Variants in TMTC2 observed in about 807,000 individuals in gnomAD.
TMTC2 encodes the protein protein O-mannosyl-transferase TMTC2.
Under a neutral mutation model 82.4 loss-of-function variants are expected in TMTC2, and 43 were observed. That is an observed-to-expected ratio of 0.52 (90% CI 0.41 to 0.67). The LOEUF (loss-of-function observed/expected upper bound fraction) is 0.67, where lower values mean the gene tolerates loss of function less well. Ranked by LOEUF, TMTC2 falls within the 30% of genes least tolerant of loss-of-function variation. The pLI is 0.00. For synonymous variants in TMTC2, 408 were observed against 381.9 expected, an observed-to-expected ratio of 1.07 and a Z score of -0.80; for missense variants, 919 against 1,012.4, an observed-to-expected ratio of 0.91 and a Z score of 1.25.
Position 82,967,015 on chromosome 12 carries a change from A to G in TMTC2, c.1948+18A>G. The G allele has an allele frequency of 6.3e-7, 1 of 1,593,282 alleles. No homozygotes were observed. Among genetic ancestry groups the G allele is most frequent in the Middle Eastern group, 1.7e-4 (1 of 6,002 alleles). On this transcript the variant is annotated intron_variant, in intron 7 of 11. Transcript: ENST00000321196. ...CATGATGGGTAAGTAAAACATTAAC[A>G]CTTTTAAATTGATATTTCAGGGACC...
At chr12:83,034,249 T>C (rs1426468553) in intron 9 of TMTC2, among the ~76,000 whole-genome samples, 1 of 152,076 alleles carries the variant, frequency 6.6e-6, no homozygotes, top group Non-Finnish European at 1.5e-5. Context: ...AAAGCATCTT[T>C]GAGAATATGA....
chr12:83,122,375 C>T (rs1216593566), intron 11 of TMTC2, among the ~76,000 whole-genome samples: 1 of 151,740 alleles, frequency 6.6e-6, no homozygotes, highest in Non-Finnish European at 1.5e-5. Flanking sequence ...CAAACTTCAG[C>T]TGGAGATTTC....
rs746969722 is a variant in TMTC2, at chr12:82,930,515, G to A, written c.1568G>A (p.Arg523His). 1.5e-5 allele frequency: 24 copies of A among 1,598,516 alleles called. No individual in the cohort carries two copies. Among genetic ancestry groups the A allele is most frequent in the African/African-American group, 8.0e-5 (6 of 74,728 alleles). ...GCCTATAGAAATGCTTTGTACTACC[G>A]CAGCAACATGGCTGACATGCTTTAT... is the stretch of plus-strand genomic sequence containing the variant. Reference protein sequence around the residue: ...ESAYRNALYYRSNMADMLYNL... With the variant: ...ESAYRNALYYHSNMADMLYNL... Residue 523 changes from arginine to histidine, a missense_variant, in exon 4 of 12, where the codon CGC (arginine) becomes CAC (histidine). Transcript: ENST00000321196.
At chr12:82,874,024 CTAT>C (rs1173807441) in intron 2 of TMTC2, among the ~76,000 whole-genome samples, 6 of 152,122 alleles carry the variant, frequency 3.9e-5, no homozygotes, top group Admixed American at 6.5e-5. Flanking sequence ...ATTTAATATG[CTAT>C]TAAGACAGTT....
chr12:83,014,344 TTTTTG>T (rs1221052236), intron 8 of TMTC2, among the ~76,000 whole-genome samples: 1 of 151,634 alleles, frequency 6.6e-6, no homozygotes, highest in Admixed American at 6.6e-5. Flanking sequence ...TGTTTTTTGG[TTTTTG>T]TTTTGTTTTG....
chr12:82,741,235 G>C (rs1046336737), intron 1 of TMTC2, among the ~76,000 whole-genome samples: 37 of 152,122 alleles, frequency 2.4e-4, no homozygotes, highest in African/African-American at 8.0e-4. Context: ...TCCTGAGGTG[G>C]TTTGTTTGTT....
At chr12:82,967,709 A>G (rs1878274913) in intron 7 of TMTC2, among the ~76,000 whole-genome samples, 1 of 152,110 alleles carries the variant, frequency 6.6e-6, no homozygotes, top group Non-Finnish European at 1.5e-5. Context: ...CCTAATGACT[A>G]ATTAATATTG....
In TMTC2 at chr12:82,981,685, C is replaced by T. The variant is rs943459193; in HGVS notation, c.1949-4240C>T. ...TATTATTGTAAGTTAAGAAAAATTA[C>T]GGTACCAGAGAATATGACTTAACCT... is the stretch of plus-strand genomic sequence containing the variant. On this transcript the variant is annotated intron_variant, in intron 7 of 11. Coordinates refer to ENST00000321196, the MANE Select transcript of TMTC2 (RefSeq NM_152588.3). Among the ~76,000 whole-genome samples the T allele has an allele frequency of 3.3e-5, 5 of 151,832 alleles. No individual in the cohort carries two copies. The East Asian group carries it at 5.8e-4, about 18-fold the overall frequency.
intron 1 of TMTC2, among the ~76,000 whole-genome samples, chr12:82,809,287 A>G (rs1183599093): frequency 6.6e-6 from 1 of 152,016 alleles, no homozygotes; most frequent in Non-Finnish European, 1.5e-5. Flanking sequence ...TAACAGAGAA[A>G]AATCTACAGA....
In TMTC2 at chr12:82,965,450, C is replaced by T; in HGVS notation, c.1685-110C>T. On this transcript the variant is annotated intron_variant, in intron 5 of 11. Transcript: ENST00000321196. ...GTATTTGTGTCATAAGTATTTTTTTCTTTTTTAATGAGCACTAAACCATAG... is the reference window on the plus strand; with the variant it reads ...GTATTTGTGTCATAAGTATTTTTTTTTTTTTTAATGAGCACTAAACCATAG... The T allele has an allele frequency of 1.9e-5, 22 of 1,176,136 alleles. No homozygotes were observed. In the Admixed American group the frequency reaches 3.3e-4, roughly 18 times the overall value. 72.9% of individuals were successfully genotyped at this position (1,176,136 alleles called of 1,614,324 possible).
At chr12:82,958,457 G>T (rs573398170) in intron 4 of TMTC2, among the ~76,000 whole-genome samples, 39 of 151,526 alleles carry the variant, frequency 2.6e-4, no homozygotes, top group Middle Eastern at 3.4e-3. Flanking sequence ...ACTGAATTGT[G>T]CAGTACATTA....
At chr12:82,992,970 G>A (rs1034397291) in intron 8 of TMTC2, among the ~76,000 whole-genome samples, 2 of 152,058 alleles carry the variant, frequency 1.3e-5, no homozygotes, top group Admixed American at 6.6e-5. Context: ...TATATATGCT[G>A]CTTTGTTTTT....
chr12:82,939,683 A>G (rs527730947), intron 4 of TMTC2, among the ~76,000 whole-genome samples: 5 of 152,254 alleles, frequency 3.3e-5, no homozygotes, highest in African/African-American at 1.2e-4. Flanking sequence ...ATAAATCCCT[A>G]TATAAACACA....
At chr12:82,797,608 C>T (rs569392528) in intron 1 of TMTC2, among the ~76,000 whole-genome samples, 4 of 152,210 alleles carry the variant, frequency 2.6e-5, no homozygotes, top group Admixed American at 2.6e-4. Context: ...ATAAAAAAAT[C>T]TCAGTATCTC....
At chr12:82,727,586 T>A (rs1874525454) in intron 1 of TMTC2, among the ~76,000 whole-genome samples, 1 of 152,108 alleles carries the variant, frequency 6.6e-6, no homozygotes, top group Non-Finnish European at 1.5e-5. Flanking sequence ...CCAGGCATGA[T>A]GGCGTGGGCC....
chr12:82,738,921 G>A (rs1875248988), intron 1 of TMTC2, among the ~76,000 whole-genome samples: 1 of 152,126 alleles, frequency 6.6e-6, no homozygotes, highest in South Asian at 2.1e-4. Flanking sequence ...GCCAAGGTAG[G>A]TGGATCACTT....
At chr12:82,836,890 G>T (rs1461126965) in intron 1 of TMTC2, among the ~76,000 whole-genome samples, 1 of 151,796 alleles carries the variant, frequency 6.6e-6, no homozygotes, top group Non-Finnish European at 1.5e-5. Context: ...AGACAGGAAG[G>T]TTTAGGACTT....
At chr12:82,696,964 G>GTATATATATATA (rs3993380) in intron 1 of TMTC2, among the ~76,000 whole-genome samples, 57 of 141,546 alleles carry the variant, frequency 4.0e-4, no homozygotes, top group African/African-American at 1.4e-3. Context: ...ACATACATAC[G>GTATATATATATA]TATATATATA....
At chr12:82,955,850 G>C (rs1397121284) in intron 4 of TMTC2, among the ~76,000 whole-genome samples, 1 of 152,034 alleles carries the variant, frequency 6.6e-6, no homozygotes, top group Non-Finnish European at 1.5e-5. Context: ...TTTTAAAAAT[G>C]CTGTAATAAT....
Sources: allele counts gnomAD v4.1 joint callset (sites outside exome capture counted in the v4.1 genomes callset), GRCh38; gene constraint gnomAD v4.1.1; transcripts MANE v1.5; gene names NCBI Gene and HGNC (gene_info 2026-07-23, HGNC 2026-07-21).